IQCK: variants seen among roughly 807,000 people sequenced by gnomAD.
IQCK encodes the protein IQ domain-containing protein K.
Under a neutral mutation model 28.1 loss-of-function variants are expected in IQCK, and 29 were observed. The ratio of observed to expected loss-of-function variants is 1.03; its 90% CI spans 0.77 to 1.41. The LOEUF (loss-of-function observed/expected upper bound fraction) is 1.41. Among genes scored for constraint, IQCK ranks in the 40% most tolerant of loss-of-function variants. IQCK has a pLI of 0.00. For synonymous variants in IQCK, 113 were observed against 115.1 expected, an observed-to-expected ratio of 0.98 and a Z score of 0.12; for missense variants, 359 against 314.7, an observed-to-expected ratio of 1.14 and a Z score of -1.07.
At chr16:19,757,435 G>T (rs149404035) in intron 4 of IQCK, among the ~76,000 whole-genome samples, 61 of 152,334 alleles carry the variant, frequency 4.0e-4, no homozygotes, top group African/African-American at 1.4e-3. Context: ...CACTTTGGGA[G>T]GCCGAGGCGG....
At chr16:19,848,223 GC>G (rs1331893441) in intron 9 of IQCK, among the ~76,000 whole-genome samples, 3 of 152,110 alleles carry the variant, frequency 2.0e-5, no homozygotes, top group Admixed American at 1.3e-4. Flanking sequence ...TCTCATCGTG[GC>G]TTTAATTTCC....
exon 8 of IQCK, chr16:19,827,169 T>C (rs2056160492): frequency 2.1e-6 from 3 of 1,446,602 alleles, no homozygotes; most frequent in Non-Finnish European, 2.9e-6. Flanking sequence ...CCTTAGTTCA[T>C]TCAAGAAAAG....
intron 7 of IQCK, among the ~76,000 whole-genome samples, chr16:19,823,401 T>C (rs1371930756): frequency 3.3e-5 from 5 of 152,146 alleles, no homozygotes; most frequent in Admixed American, 2.6e-4. Context: ...TCTGCTTCAG[T>C]GTGCCCTGCA....
intron 3 of IQCK, among the ~76,000 whole-genome samples, chr16:19,734,393 G>A (rs1977939535): frequency 1.3e-5 from 2 of 149,780 alleles, no homozygotes; most frequent in South Asian, 4.2e-4. Context: ...CTGGGAGGCG[G>A]AGGTTGCAGT....
At chr16:19,764,011 T>C in intron 5 of IQCK, 24 bp from the exon 6 acceptor site, 1 of 1,610,186 alleles carries the variant, frequency 6.2e-7, no homozygotes, top group Non-Finnish European at 8.5e-7. Flanking sequence ...TTCTTGTCAA[T>C]CAAACATATG....
At chr16:19,790,647 A>G (rs973316575) in intron 7 of IQCK, among the ~76,000 whole-genome samples, 1 of 114,228 alleles carries the variant, frequency 8.8e-6, no homozygotes, top group Non-Finnish European at 1.5e-5. Flanking sequence ...CTACATGCCC[A>G]TTAGTGGAAC....
chr16:19,847,627 G>T (rs757132294), intron 9 of IQCK, among the ~76,000 whole-genome samples: 1 of 152,114 alleles, frequency 6.6e-6, no homozygotes, highest in Admixed American at 6.5e-5. Flanking sequence ...TTATGTCTGG[G>T]AGATGCAGCT....
At chr16:19,817,055 A>T (rs2055998569) in intron 7 of IQCK, among the ~76,000 whole-genome samples, 1 of 152,178 alleles carries the variant, frequency 6.6e-6, no homozygotes, top group Non-Finnish European at 1.5e-5. Flanking sequence ...GGTACCCTGT[A>T]CTAGCTTCCA....
intron 9 of IQCK, among the ~76,000 whole-genome samples, chr16:19,833,900 G>A (rs2056263245): frequency 1.3e-5 from 2 of 152,004 alleles, no homozygotes; most frequent in Admixed American, 1.3e-4. Flanking sequence ...AGACCAGCCT[G>A]GGCAACACAA....
intron 9 of IQCK, among the ~76,000 whole-genome samples, chr16:19,849,408 A>G (rs2056453101): frequency 6.6e-6 from 1 of 152,082 alleles, no homozygotes; most frequent in Admixed American, 6.6e-5. Flanking sequence ...ATGAATGTGG[A>G]ATAGGAGTCA....
intron 7 of IQCK, among the ~76,000 whole-genome samples, chr16:19,817,059 G>C (rs1053747686): frequency 1.3e-5 from 2 of 152,088 alleles, no homozygotes; most frequent in Non-Finnish European, 1.5e-5. Context: ...CCCTGTACTA[G>C]CTTCCATCAG....
chr16:19,807,999 A>T lies in IQCK; in HGVS notation c.691-19027A>T, dbSNP rs532371169. Among the ~76,000 whole-genome samples the T allele has an allele frequency of 1.5e-3, 232 of 151,916 alleles. 3 individuals are homozygous for T. The highest frequency in any genetic ancestry group is 4.7e-3 in the African/African-American group (195 of 41,450). ...AAGAAAATCCTGTTTTGTTTTTTTT[A>T]AAAAAACATCCTTGAGCTCATCAAG... is the stretch of plus-strand genomic sequence containing the variant. On this transcript the variant is annotated intron_variant, in intron 7 of 7. Coordinates refer to ENST00000564186, the Ensembl canonical transcript of IQCK.
chr16:19,743,197 C>G (rs975355352), intron 4 of IQCK, among the ~76,000 whole-genome samples: 1 of 148,372 alleles, frequency 6.7e-6, no homozygotes, highest in African/African-American at 2.5e-5. Context: ...AAATAAAAGT[C>G]AGGGCCTACT....
intron 6 of IQCK, 69 bp downstream of exon 6, chr16:19,764,181 C>T: frequency 7.7e-6 from 10 of 1,299,774 alleles, no homozygotes; most frequent in Non-Finnish European, 1.1e-5. Context: ...ACTTTTCTTC[C>T]ATCTAAGAGA....
At chr16:19,837,984 A>T (rs1438250270) in intron 9 of IQCK, among the ~76,000 whole-genome samples, 2 of 152,260 alleles carry the variant, frequency 1.3e-5, no homozygotes, top group Non-Finnish European at 2.9e-5. Flanking sequence ...GCAATTTACC[A>T]GCTACATGGA....
At chr16:19,777,898 CA>C (rs1214063474) in intron 6 of IQCK, among the ~76,000 whole-genome samples, 1 of 152,060 alleles carries the variant, frequency 6.6e-6, no homozygotes, top group Non-Finnish European at 1.5e-5. Flanking sequence ...TAAAAAAATG[CA>C]AAAATTAGCT....
chr16:19,804,123 G>C (rs2055801693), intron 7 of IQCK, among the ~76,000 whole-genome samples: 1 of 152,100 alleles, frequency 6.6e-6, no homozygotes, highest in South Asian at 2.1e-4. Flanking sequence ...AGCCGAGGCA[G>C]GTGGATCACG....
intron 3 of IQCK, chr16:19,734,089 A>T (rs1977928153): frequency 2.1e-5 from 7 of 339,420 alleles, no homozygotes. Context: ...CAGTAAACAC[A>T]TGTAGCCGGC....
chr16:19,842,314 A>T (rs1338306270), intron 9 of IQCK, among the ~76,000 whole-genome samples: 2 of 152,230 alleles, frequency 1.3e-5, no homozygotes, highest in African/African-American at 4.8e-5. Context: ...TTTGTTTGAG[A>T]TGTGTTTGTG....
Sources: gnomAD v4.1 joint callset for allele counts (sites outside exome capture counted in the v4.1 genomes callset) on GRCh38, gnomAD v4.1.1 for gene constraint, MANE v1.5 for transcripts, NCBI Gene and HGNC (gene_info 2026-07-23, HGNC 2026-07-21) for gene names.